The following MARVELD3 variants were observed in gnomAD, a reference collection of about 807,000 sequenced individuals.
The protein encoded by MARVELD3 is MARVEL domain-containing protein 3.
A neutral mutation model predicts 33.5 loss-of-function variants in MARVELD3; 28 were observed. That is an observed-to-expected ratio of 0.84 (90% CI 0.62 to 1.15). The LOEUF (loss-of-function observed/expected upper bound fraction) is 1.15. Among genes scored for constraint, MARVELD3 ranks in the 50% most tolerant of loss-of-function variants. The pLI is 0.00. For synonymous variants in MARVELD3, 241 were observed against 230.4 expected (o/e 1.05, Z -0.42); for missense variants, 582 against 547.6 (o/e 1.06, Z -0.63).
In MARVELD3 at chr16:71,635,256, G is replaced by T. The variant is rs1243529709; in HGVS notation, c.*453G>T. The T allele has an allele frequency of 3.4e-6, 3 of 885,440 alleles. No individual in the cohort carries two copies. The highest frequency in any genetic ancestry group is 4.1e-6 in the Non-Finnish European group (3 of 739,182). The allele number at this position is 885,440 out of a possible 1,614,324, so 54.8% of individuals were successfully genotyped here. ...AGGCAGGAGAATCGCTTGAATCTGGGAGGCGGAGATTGCAGTGAGCCGAGA... is the reference window on the plus strand; with the variant it reads ...AGGCAGGAGAATCGCTTGAATCTGGTAGGCGGAGATTGCAGTGAGCCGAGA... On this transcript the variant is annotated 3_prime_UTR_variant, in exon 3 of 3. Coordinates refer to ENST00000268485, the MANE Select transcript of MARVELD3 (RefSeq NM_052858.6).
intron 2 of MARVELD3, among the ~76,000 whole-genome samples, chr16:71,632,742 G>C (rs899079653): frequency 6.6e-6 from 1 of 151,866 alleles, no homozygotes; most frequent in Non-Finnish European, 1.5e-5. Context: ...CTCCTGAGGA[G>C]CTGAGATTAC....
chr16:71,626,673 C>A lies in MARVELD3; in HGVS notation c.444C>A (p.Asp148Glu). The change falls in exon 1 of 3, where the codon GAC becomes GAA. Residue 148 changes from aspartate to glutamate, a missense_variant. Transcript: ENST00000268485. The surrounding 1 kb of genome is among the most constrained non-coding windows in gnomAD (Gnocchi z 5.3). Reference sequence around the variant, plus strand: ...CGCCGCAGCCGCAGAGGAAGGGAGACCCCGGGCGCCGCAGACCCGAAAGGT... The same window carrying A: ...CGCCGCAGCCGCAGAGGAAGGGAGAACCCGGGCGCCGCAGACCCGAAAGGT... ...PEPPQPQRKG[D>E]PGRRRPESEP... The A allele has an allele frequency of 1.3e-6, 2 of 1,511,504 alleles. No individual in the cohort carries two copies. The highest frequency in any genetic ancestry group is 1.3e-5 in the South Asian group (1 of 78,846). The allele number at this position is 1,511,504 out of a possible 1,614,324, so 93.6% of individuals were successfully genotyped here.
chr16:71,636,974 G>A (rs1567606472), downstream of MARVELD3, among the ~76,000 whole-genome samples: 1 of 152,128 alleles, frequency 6.6e-6, no homozygotes. Context: ...TGTCTTTCCG[G>A]AGACGTGTCC....
Position 71,635,912 on chromosome 16 carries a change from A to C in MARVELD3, c.*1109A>C. 1.0e-6 allele frequency: 1 copy of C among 985,390 alleles called. No homozygotes were observed. The highest frequency in any genetic ancestry group is 1.2e-6 in the Non-Finnish European group (1 of 829,918). 61.0% of individuals were successfully genotyped at this position (985,390 alleles called of 1,614,324 possible). On this transcript the variant is annotated 3_prime_UTR_variant, in exon 3 of 3. Transcript: ENST00000268485. ...CTTACAGTGGCCCTGAAAGCTCAAT[A>C]AGTGTTTTGTACCTCTTGTAAATGT...
intron 2 of MARVELD3, among the ~76,000 whole-genome samples, chr16:71,632,188 T>A (rs2044540152): frequency 6.6e-6 from 1 of 152,214 alleles, no homozygotes; most frequent in African/African-American, 2.4e-5. Context: ...AGTGGTTTGC[T>A]GACAAGGAAA....
In MARVELD3 at chr16:71,629,349, T is replaced by A. The variant is rs1363196398; in HGVS notation, c.468-18T>A. 6.5e-7 allele frequency: 1 copy of A among 1,527,664 alleles called. No homozygotes were observed. The highest frequency in any genetic ancestry group is 8.7e-7 in the Non-Finnish European group (1 of 1,149,408). The allele number at this position is 1,527,664 out of a possible 1,614,324, so 94.6% of individuals were successfully genotyped here. On this transcript the variant is annotated intron_variant, in intron 1 of 2. Transcript: ENST00000268485. Reference sequence around the variant, plus strand: ...AATGAGACACCCCCTAATGACCATGTATGCTTTTTGGTTATAGTGAACCCC... The same window carrying A: ...AATGAGACACCCCCTAATGACCATGAATGCTTTTTGGTTATAGTGAACCCC...
In MARVELD3 at chr16:71,634,594, G is replaced by T; in HGVS notation, c.997G>T (p.Gly333Cys). 3.1e-6 allele frequency: 5 copies of T among 1,614,170 alleles called. No individual in the cohort carries two copies. Among genetic ancestry groups the T allele is most frequent in the Non-Finnish European group, 4.2e-6 (5 of 1,180,036 alleles). ...FYFHYLSAAY[G>C]SPVCKERQAL... ...CTTCCACTACCTCTCTGCTGCCTAT[G>T]GCTCTCCTGTGTGTAAAGAGAGGCA... Residue 333 changes from glycine (G) to cysteine (C), a missense_variant, in exon 3 of 3, where the codon GGC becomes TGC. Gly to Cys is a radical substitution (Grantham distance 159). Transcript: ENST00000268485.
chr16:71,629,235 T>A, intron 1 of MARVELD3, 132 bp from the exon 2 acceptor site: 1 of 1,101,908 alleles, frequency 9.1e-7, no homozygotes. Context: ...TTCTCTGGAG[T>A]TTAAAATACC....
chr16:71,640,816 A>G (rs987790704), downstream of MARVELD3: 6 of 1,614,132 alleles, frequency 3.7e-6, no homozygotes, highest in Middle Eastern at 1.6e-4. Flanking sequence ...GAGAGGCTCT[A>G]TGCCCGCAAG....
chr16:71,628,321 G>GGT (rs2044495147), intron 1 of MARVELD3, among the ~76,000 whole-genome samples: 1 of 152,176 alleles, frequency 6.6e-6, no homozygotes. Flanking sequence ...GATCATTGGA[G>GGT]GTAAGGAGTT....
rs2044468065 is a variant in MARVELD3, at chr16:71,626,358, G to A, written c.129G>A (p.Arg43=). 6.5e-7 allele frequency: 1 copy of A among 1,548,154 alleles called. No homozygotes were observed. The highest frequency in any genetic ancestry group is 2.0e-5 in the Admixed American group (1 of 50,974). ...GGGACCGACCCGGGGACCCGCGCAG[G>A]AAGCGAAGCAGCGACGGGAACCGGC... The part of the protein sequence containing the change: ...RPRDRPGDPR[R]KRSSDGNRRR... The change falls in exon 1 of 3, where the codon AGG becomes AGA. Residue 43 remains arginine, a synonymous_variant. Coordinates refer to ENST00000268485, the MANE Select transcript of MARVELD3 (RefSeq NM_052858.6). The surrounding 1 kb of genome is among the most constrained non-coding windows in gnomAD (Gnocchi z 5.3).
intron 1 of MARVELD3, among the ~76,000 whole-genome samples, chr16:71,628,724 G>C (rs766247003): frequency 6.6e-6 from 1 of 152,006 alleles, no homozygotes; most frequent in Non-Finnish European, 1.5e-5. Flanking sequence ...GGCCTCCTGT[G>C]CATGCTAAAA....
rs967930889 is a variant in MARVELD3 at position 71,634,402 on chromosome 16, A to G, written c.805A>G (p.Met269Val). The G allele has an allele frequency of 5.0e-6, 8 of 1,614,098 alleles. No individual in the cohort carries two copies. The highest frequency in any genetic ancestry group is 1.7e-5 in the Admixed American group (1 of 60,008). The change falls in exon 3 of 3, where the codon ATG becomes GTG. Residue 269 changes from methionine (M) to valine (V), a missense_variant. Physicochemically the swap from Met to Val is conservative, Grantham distance 21 (BLOSUM62 1). Coordinates refer to ENST00000268485, the MANE Select transcript of MARVELD3 (RefSeq NM_052858.6). Reference sequence around the variant, plus strand: ...CCAGTTCTACCAGCTAAAGCTGCCCATGGTCACTGTGGCAATGGCCTGTAG... The same window carrying G: ...CCAGTTCTACCAGCTAAAGCTGCCCGTGGTCACTGTGGCAATGGCCTGTAG... ...DVQFYQLKLP[M>V]VTVAMACSGA...
At chr16:71,639,198 A>G (rs2044600920), downstream of MARVELD3, 1 of 149,878 alleles carries the variant, frequency 6.7e-6, no homozygotes, top group African/African-American at 2.4e-5. Context: ...CAGCCTTCCA[A>G]GTGGGTGGGA....
chr16:71,626,981 A>G lies in MARVELD3; in HGVS notation c.467+285A>G, dbSNP rs1354810832. Among the ~76,000 whole-genome samples, 2 of 152,094 alleles carry G rather than the reference A, an allele frequency of 1.3e-5. No individual in the cohort carries two copies. Among genetic ancestry groups the G allele is most frequent in the East Asian group, 3.9e-4 (2 of 5,182 alleles). ...AGAAAGAGAGGCCCCGGGACCCGAG[A>G]GGGAGGGGTGGGAGGAGACCAGGCG... is the stretch of plus-strand genomic sequence containing the variant. On this transcript the variant is annotated intron_variant, in intron 1 of 2. Transcript: ENST00000268485. The surrounding 1 kb of genome is among the most constrained non-coding windows in gnomAD (Gnocchi z 5.3).
At position 71,626,538 on chromosome 16, in the gene MARVELD3, A is replaced by G. The variant is rs2044472710; in HGVS notation, c.309A>G (p.Glu103=). ...GGGACGCGGGCCCTCGCGCAGGTGAACACGGAGTTTGGGAAAAACCGCGCC... is the reference window on the plus strand; with the variant it reads ...GGGACGCGGGCCCTCGCGCAGGTGAGCACGGAGTTTGGGAAAAACCGCGCC... The part of the protein sequence containing the change: ...THRDAGPRAG[E]HGVWEKPRQS... The change falls in exon 1 of 3, where the codon GAA becomes GAG. Residue 103 remains glutamate, a synonymous_variant. Coordinates refer to ENST00000268485, the MANE Select transcript of MARVELD3 (RefSeq NM_052858.6). This position sits in a 1 kb window ranked among gnomAD's most constrained non-coding sequence, Gnocchi z 5.3. The G allele has an allele frequency of 5.8e-6, 9 of 1,549,418 alleles. No homozygotes were observed. The South Asian group carries it at 9.5e-5, about 16-fold the overall frequency.
rs748253075 is a variant in MARVELD3 at position 71,626,298 on chromosome 16, C to T, written c.69C>T (p.Pro23=). ...GAGAGCGGGACCCGGGACGGCGCCCCCACCCAGACCAAGGCCGCACCCACG... is the reference window on the plus strand; with the variant it reads ...GAGAGCGGGACCCGGGACGGCGCCCTCACCCAGACCAAGGCCGCACCCACG... The part of the protein sequence containing the change: ...RPRERDPGRR[P]HPDQGRTHDR... The change falls in exon 1 of 3, where the codon CCC becomes CCT. Residue 23 remains proline (P), a synonymous_variant. Coordinates refer to ENST00000268485, the MANE Select transcript of MARVELD3 (RefSeq NM_052858.6). The surrounding 1 kb of genome is among the most constrained non-coding windows in gnomAD (Gnocchi z 5.3). 6.5e-7 allele frequency: 1 copy of T among 1,546,552 alleles called. No individual in the cohort carries two copies. Among genetic ancestry groups the T allele is most frequent in the African/African-American group, 1.4e-5 (1 of 72,992 alleles).
At chr16:71,633,264 A>AG (rs752585752) in intron 2 of MARVELD3, among the ~76,000 whole-genome samples, 20 of 152,070 alleles carry the variant, frequency 1.3e-4, no homozygotes, top group Non-Finnish European at 2.8e-4. Flanking sequence ...TGGGAGGCTG[A>AG]GGCAGGATGA....
intron 2 of MARVELD3, 61 bp from the exon 3 acceptor site, chr16:71,634,132 T>TGGAA: frequency 6.4e-7 from 1 of 1,550,838 alleles, no homozygotes; most frequent in East Asian, 2.3e-5. Flanking sequence ...GGGCCTCAGG[T>TGGAA]GGAAGAGTCT....
Sources: gnomAD v4.1 joint callset for allele counts (sites outside exome capture counted in the v4.1 genomes callset) on GRCh38, gnomAD v4.1.1 for gene constraint, Gnocchi (gnomAD v3.1) non-coding constraint, MANE v1.5 for transcripts, NCBI Gene and HGNC (gene_info 2026-07-23, HGNC 2026-07-21) for gene names.